Variants in RASEF observed in about 807,000 individuals in gnomAD.
RASEF encodes RAS and EF-hand domain containing.
RASEF carries 68 observed loss-of-function variants against 90.1 expected under a neutral mutation model. The ratio of observed to expected loss-of-function variants is 0.75; its 90% CI spans 0.62 to 0.92. The LOEUF (loss-of-function observed/expected upper bound fraction) is 0.92, where lower values mean the gene tolerates loss of function less well. Among genes scored for constraint, RASEF ranks in the 40% least tolerant of loss-of-function variants. The probability of loss-of-function intolerance (pLI) is 0.00; values close to 1 mark genes in which losing one functional copy is unlikely to be tolerated. For synonymous variants in RASEF, 331 were observed against 345.2 expected (o/e 0.96, Z 0.46); for missense variants, 949 against 937.2 (o/e 1.01, Z -0.16).
the RASEF span, among the ~76,000 whole-genome samples, chr9:83,114,250 C>CA: frequency 1.1e-4 from 16 of 152,186 alleles, no homozygotes; most frequent in Non-Finnish European, 2.1e-4. Flanking sequence ...GTGAAGATTT[C>CA]ATGGACACTT....
chr9:83,007,077 G>A (rs1361137170), intron 7 of RASEF, among the ~76,000 whole-genome samples: 2 of 143,468 alleles, frequency 1.4e-5, no homozygotes, highest in East Asian at 4.2e-4. Context: ...CTGGGTGACA[G>A]GGCAAGACTC....
the RASEF span, among the ~76,000 whole-genome samples, chr9:83,103,857 G>A: frequency 6.6e-6 from 1 of 152,058 alleles, no homozygotes; most frequent in Admixed American, 6.5e-5. Context: ...TAATACATTT[G>A]TATTAAGCAA....
chr9:82,983,572 C>G (rs1336564208), intron 16 of RASEF, among the ~76,000 whole-genome samples: 1 of 152,196 alleles, frequency 6.6e-6, no homozygotes, highest in Non-Finnish European at 1.5e-5. Flanking sequence ...AAGATGGCCC[C>G]AAATAATTCT....
At chr9:83,081,206 C>T in the RASEF span, among the ~76,000 whole-genome samples, 1 of 152,160 alleles carries the variant, frequency 6.6e-6, no homozygotes, top group African/African-American at 2.4e-5. Context: ...ACCAGGGACT[C>T]TGCCTCCAAA....
chr9:83,120,665 C>T, the RASEF span, among the ~76,000 whole-genome samples: 1 of 152,180 alleles, frequency 6.6e-6, no homozygotes, highest in East Asian at 1.9e-4. Flanking sequence ...AGTGTTTCTT[C>T]AAGTAGAAGT....
the RASEF span, among the ~76,000 whole-genome samples, chr9:83,126,310 A>G: frequency 6.6e-6 from 1 of 152,100 alleles, no homozygotes; most frequent in African/African-American, 2.4e-5. Flanking sequence ...TTATCATGTG[A>G]GAATGCAGCA....
intron 15 of RASEF, among the ~76,000 whole-genome samples, chr9:82,991,073 T>C (rs1828804457): frequency 6.6e-6 from 1 of 152,218 alleles, no homozygotes; most frequent in South Asian, 2.1e-4. Flanking sequence ...CAGCTTCACG[T>C]GGCCCCAGGC....
the RASEF span, among the ~76,000 whole-genome samples, chr9:83,186,080 C>T: frequency 1.7e-4 from 26 of 152,120 alleles, no homozygotes; most frequent in Non-Finnish European, 3.4e-4. Flanking sequence ...CCTGAGCAAC[C>T]ATTTGCATAA....
the RASEF span, among the ~76,000 whole-genome samples, chr9:83,136,686 G>T: frequency 6.6e-6 from 1 of 151,832 alleles, no homozygotes; most frequent in Admixed American, 6.6e-5. Context: ...GCAATGACAA[G>T]TTTTTAAAAG....
At chr9:83,015,077 C>G (rs1829318921) in intron 4 of RASEF, among the ~76,000 whole-genome samples, 1 of 152,160 alleles carries the variant, frequency 6.6e-6, no homozygotes, top group Admixed American at 6.5e-5. Context: ...TCAGGGTACC[C>G]TAGATCTGGA....
chr9:83,067,634 T>C (rs1013700802), upstream of RASEF, among the ~76,000 whole-genome samples: 1 of 152,180 alleles, frequency 6.6e-6, no homozygotes, highest in South Asian at 2.1e-4. Context: ...GGAAAATCTT[T>C]CATTTAAAAA....
chr9:83,168,973 C>A, the RASEF span, among the ~76,000 whole-genome samples: 1 of 151,852 alleles, frequency 6.6e-6, no homozygotes, highest in Admixed American at 6.6e-5. Flanking sequence ...ATTAACCAGC[C>A]CCTTTTTGTC....
At chr9:83,161,107 C>A in the RASEF span, among the ~76,000 whole-genome samples, 11 of 152,202 alleles carry the variant, frequency 7.2e-5, no homozygotes, top group African/African-American at 2.2e-4. Context: ...GAGCCCCCCC[C>A]ACAGAGTCCC....
At chr9:83,110,782 GT>G in the RASEF span, among the ~76,000 whole-genome samples, 1 of 152,228 alleles carries the variant, frequency 6.6e-6, no homozygotes, top group South Asian at 2.1e-4. Flanking sequence ...CCACCTGTTT[GT>G]TCTGAAAAGC....
At position 83,062,759 on chromosome 9, in the gene RASEF, A is replaced by C. The variant is rs747158428; in HGVS notation, c.109T>G (p.Cys37Gly). 1 of 1,566,878 alleles carries C rather than the reference A, an allele frequency of 6.4e-7. No homozygotes were observed. Among genetic ancestry groups the C allele is most frequent in the South Asian group, 1.2e-5 (1 of 86,562 alleles). The change falls in exon 1 of 17, where the codon TGC becomes GGC. Residue 37 changes from cysteine (C) to glycine (G), a missense_variant. Physicochemically the swap from Cys to Gly is radical, Grantham distance 159. This residue lies in a region of RASEF where 656 missense variants were observed against 592.2 expected (regional missense o/e 1.11). Coordinates refer to ENST00000376447, the MANE Select transcript of RASEF (RefSeq NM_152573.4). Reference sequence around the variant, plus strand: ...GCCGGCCGCACCCGCAGCTCCGTGCACAGTGCCCGGAACTCCTCGCGCTCC... The same window carrying C: ...GCCGGCCGCACCCGCAGCTCCGTGCCCAGTGCCCGGAACTCCTCGCGCTCC... ...RLEREEFRAL[C>G]TELRVRPADA...
chr9:83,101,922 C>T, the RASEF span, among the ~76,000 whole-genome samples: 22 of 152,132 alleles, frequency 1.4e-4, no homozygotes, highest in Non-Finnish European at 2.9e-4. Context: ...CTGAGGGAAG[C>T]TTCTCTAACA....
upstream of RASEF, among the ~76,000 whole-genome samples, chr9:83,065,092 CA>C: frequency 6.6e-6 from 1 of 152,184 alleles, no homozygotes; most frequent in African/African-American, 2.4e-5. Context: ...AAAACAAAAA[CA>C]AAAAACACAC....
chr9:83,185,849 T>A, the RASEF span, among the ~76,000 whole-genome samples: 3 of 152,094 alleles, frequency 2.0e-5, no homozygotes, highest in African/African-American at 7.2e-5. Context: ...TTCTCTCAGC[T>A]GAACTTCTGA....
At chr9:83,083,254 C>G in the RASEF span, among the ~76,000 whole-genome samples, 3 of 152,156 alleles carry the variant, frequency 2.0e-5, no homozygotes, top group African/African-American at 7.2e-5. Context: ...CTACCATGAA[C>G]ACACCTGATC....
Sources: gnomAD v4.1 joint callset for allele counts (sites outside exome capture counted in the v4.1 genomes callset) on GRCh38, gnomAD v4.1.1 for gene constraint, gnomAD v4.1.1 regional missense constraint, MANE v1.5 for transcripts, NCBI Gene and HGNC (gene_info 2026-07-23, HGNC 2026-07-21) for gene names.